The following ERC1 variants were observed in gnomAD, a reference collection of about 807,000 sequenced individuals.
The protein encoded by ERC1 is RAB6 interacting protein 2.
In ERC1, 56 loss-of-function variants were observed where a neutral mutation model predicts 132.0. That is an observed-to-expected ratio of 0.42 (90% confidence interval 0.34 to 0.53). The LOEUF is 0.53. Among genes scored for constraint, ERC1 ranks in the 20% least tolerant of loss-of-function variants. The probability of loss-of-function intolerance (pLI) is 0.03; values close to 1 mark genes in which losing one functional copy is unlikely to be tolerated. For missense variants in ERC1, 1,202 were observed against 1,349.9 expected, an observed-to-expected ratio of 0.89 and a Z score of 1.72; for synonymous variants, 478 against 476.1, an observed-to-expected ratio of 1.00 and a Z score of -0.05.
chr12:1,260,270 C>T (rs2077060968), intron 13 of ERC1, among the ~76,000 whole-genome samples: 1 of 152,180 alleles, frequency 6.6e-6, no homozygotes, highest in African/African-American at 2.4e-5. Context: ...CTTCTACTTT[C>T]CTGTGTTGCC....
intron 12 of ERC1, among the ~76,000 whole-genome samples, chr12:1,230,595 T>A (rs2074952796): frequency 1.3e-5 from 2 of 152,198 alleles, no homozygotes; most frequent in African/African-American, 4.8e-5. Context: ...ATTTGCTCTA[T>A]ACTCTTATTC....
chr12:1,334,759 C>A (rs1444706282), intron 15 of ERC1, among the ~76,000 whole-genome samples: 1 of 152,044 alleles, frequency 6.6e-6, no homozygotes, highest in East Asian at 1.9e-4. Flanking sequence ...TTTTCTAGTT[C>A]TGTGAAGAAT....
chr12:1,063,771 T>C (rs1467515686), intron 2 of ERC1, among the ~76,000 whole-genome samples: 5 of 152,314 alleles, frequency 3.3e-5, no homozygotes, highest in African/African-American at 1.2e-4. Flanking sequence ...GTATATCCTA[T>C]GTTCCTTTTT....
At chr12:1,410,343 C>T in intron 17 of ERC1, 1 of 888,034 alleles carries the variant, frequency 1.1e-6, no homozygotes, top group Admixed American at 2.4e-5. Flanking sequence ...TTTTTCATTC[C>T]ATGCTGCCCT....
At chr12:1,111,423 G>A (rs1025208742) in intron 5 of ERC1, among the ~76,000 whole-genome samples, 4 of 151,930 alleles carry the variant, frequency 2.6e-5, no homozygotes, top group East Asian at 1.9e-4. Flanking sequence ...AATGAAACCC[G>A]CAACATCCCA....
intron 18 of ERC1, among the ~76,000 whole-genome samples, chr12:1,479,194 G>A (rs2094036314): frequency 6.6e-6 from 1 of 152,140 alleles, no homozygotes; most frequent in Admixed American, 6.5e-5. Context: ...CCGCCTTGCA[G>A]TGACAGCCTT....
intron 15 of ERC1, among the ~76,000 whole-genome samples, chr12:1,327,947 T>C (rs2154356566): frequency 6.6e-6 from 1 of 152,344 alleles, no homozygotes; most frequent in Non-Finnish European, 1.5e-5. Flanking sequence ...AACAACTTTT[T>C]TTCCCTTGCC....
At chr12:1,054,368 A>G (rs1255057630) in intron 2 of ERC1, among the ~76,000 whole-genome samples, 2 of 152,068 alleles carry the variant, frequency 1.3e-5, no homozygotes, top group Admixed American at 6.6e-5. Flanking sequence ...GGAACTGTGT[A>G]TTGGGATTCC....
At chr12:1,172,903 A>G (rs1440769024) in intron 8 of ERC1, among the ~76,000 whole-genome samples, 2 of 152,364 alleles carry the variant, frequency 1.3e-5, no homozygotes. Context: ...GATTATTTGA[A>G]TAACGTCGTG....
chr12:1,437,072 T>C (rs1289004081), intron 17 of ERC1, among the ~76,000 whole-genome samples: 1 of 152,186 alleles, frequency 6.6e-6, no homozygotes, highest in Non-Finnish European at 1.5e-5. Flanking sequence ...AAGAACTGAA[T>C]TCAAAGTGTT....
chr12:1,393,342 C>A lies in ERC1; in HGVS notation c.2926-14807C>A, dbSNP rs547109348. On this transcript the variant is annotated intron_variant, in intron 16 of 18. Coordinates refer to ENST00000360905, the MANE Select transcript of ERC1 (RefSeq NM_178040.4). Reference sequence around the variant, plus strand: ...CCCAGGAGTTAGTGACGAGCCTGAGCAACGTGGGGAAACCTCATCTCTACA... The same window carrying A: ...CCCAGGAGTTAGTGACGAGCCTGAGAAACGTGGGGAAACCTCATCTCTACA... Among the ~76,000 whole-genome samples, 8 of 152,174 alleles carry A rather than the reference C, an allele frequency of 5.3e-5. No homozygotes were observed. The South Asian group carries it at 1.7e-3, about 32-fold the overall frequency.
intron 18 of ERC1, among the ~76,000 whole-genome samples, chr12:1,448,024 G>GTCT (rs1376735566): frequency 6.6e-6 from 1 of 152,050 alleles, no homozygotes; most frequent in African/African-American, 2.4e-5. Flanking sequence ...ACTTAACTCA[G>GTCT]TCTTACCAAG....
At chr12:1,384,884 T>C (rs1383278807) in intron 16 of ERC1, among the ~76,000 whole-genome samples, 3 of 152,240 alleles carry the variant, frequency 2.0e-5, no homozygotes, top group Non-Finnish European at 4.4e-5. Flanking sequence ...AACCTACTAA[T>C]GGTTAAATCT....
intron 13 of ERC1, among the ~76,000 whole-genome samples, chr12:1,243,210 A>G (rs2075939083): frequency 1.3e-5 from 2 of 150,540 alleles, no homozygotes; most frequent in South Asian, 2.1e-4. Context: ...AAAAAAAGAA[A>G]AAAAAAAAAG....
At chr12:991,885 C>G (rs1423895183) in intron 1 of ERC1, 2 of 149,572 alleles carry the variant, frequency 1.3e-5, no homozygotes, top group Non-Finnish European at 3.0e-5. Context: ...GGACGATGAG[C>G]TGTGCATGTT....
chr12:1,014,019 T>G (rs1423437935), intron 1 of ERC1, among the ~76,000 whole-genome samples: 2 of 123,446 alleles, frequency 1.6e-5, no homozygotes, highest in African/African-American at 4.9e-5. Flanking sequence ...ATGTGCCTGG[T>G]GATTTTTTTT....
At chr12:1,244,628 T>A (rs780304423) in intron 13 of ERC1, 1 of 435,076 alleles carries the variant, frequency 2.3e-6, no homozygotes, top group South Asian at 1.6e-5. Context: ...TTCAAGTGAT[T>A]CTCATGCCTC....
chr12:1,118,379 T>G (rs1370264870), intron 7 of ERC1, among the ~76,000 whole-genome samples: 1 of 152,216 alleles, frequency 6.6e-6, no homozygotes, highest in African/African-American at 2.4e-5. Context: ...AATATTCTTA[T>G]TAGCCAGGTC....
At chr12:1,484,583 C>CTTT (rs542712129) in intron 18 of ERC1, among the ~76,000 whole-genome samples, 5,152 of 138,074 alleles carry the variant, frequency 0.037, 302 homozygotes, top group African/African-American at 0.12. Flanking sequence ...TTTTCTTTTC[C>CTTT]TTTTTTTTTT....
Sources: gnomAD v4.1 joint callset for allele counts (sites outside exome capture counted in the v4.1 genomes callset) on GRCh38, gnomAD v4.1.1 for gene constraint, MANE v1.5 for transcripts, NCBI Gene and HGNC (gene_info 2026-07-23, HGNC 2026-07-21) for gene names.